PSME2: variants seen among roughly 807,000 people sequenced by gnomAD.
PSME2 encodes the protein proteasome activator complex subunit 2.
In PSME2, 20 loss-of-function variants were observed where a neutral mutation model predicts 38.8. The observed-to-expected ratio is 0.52, with a 90% confidence interval of 0.36 to 0.75. PSME2 has a LOEUF of 0.75. PSME2 is among the 30% of genes least tolerant of loss of function. The probability of loss-of-function intolerance (pLI) is 0.00; values close to 1 mark genes in which losing one functional copy is unlikely to be tolerated. For missense variants in PSME2, 227 were observed against 287.6 expected (o/e 0.79, Z 1.52); for synonymous variants, 82 against 102.5 (o/e 0.80, Z 1.21).
chr14:24,144,294 T>C, intron 7 of PSME2, 35 bp from the exon 8 acceptor site: 1 of 1,613,358 alleles, frequency 6.2e-7, no homozygotes. Context: ...CAACACTTCA[T>C]GTCCTCCCCA....
chr14:24,145,811 T>G (rs1301387153), intron 2 of PSME2, 39 bp from the exon 3 acceptor site: 3 of 1,576,502 alleles, frequency 1.9e-6, no homozygotes, highest in Middle Eastern at 1.7e-4. Context: ...TCACAGAATA[T>G]GCTCAATGAG....
rs773342961 is a variant in PSME2, at chr14:24,143,400, G to A, written c.*9C>T. On this transcript the variant is annotated 3_prime_UTR_variant, in exon 11 of 11. Transcript: ENST00000216802. This position sits in a 1 kb window ranked among gnomAD's most constrained non-coding sequence, Gnocchi z 4.4. ...ATATAGATCATTTATTTTCCTTCTA[G>A]TCCCGGGTTCAGTACATAGATGGCT... 43 of 1,605,740 alleles carry A rather than the reference G, an allele frequency of 2.7e-5. No homozygotes were observed. The South Asian group carries it at 4.6e-4, about 17-fold the overall frequency.
Position 24,146,516 on chromosome 14 carries a change from C to T in PSME2, c.48+18G>A. The T allele has an allele frequency of 1.9e-6, 3 of 1,613,996 alleles. No individual in the cohort carries two copies. The highest frequency in any genetic ancestry group is 2.5e-6 in the Non-Finnish European group (3 of 1,180,010). Reference sequence around the variant, plus strand: ...AGAGGGTTCTATGACCCCTTCCTGGCCTCCGATTCCCCATTACCTGTTTGC... The same window carrying T: ...AGAGGGTTCTATGACCCCTTCCTGGTCTCCGATTCCCCATTACCTGTTTGC... On this transcript the variant is annotated intron_variant, in intron 1 of 10. Transcript: ENST00000216802.
In PSME2 at chr14:24,143,790, G is replaced by C; in HGVS notation, c.553-119C>G. 1.5e-6 allele frequency: 2 copies of C among 1,292,890 alleles called. No individual in the cohort carries two copies. Among genetic ancestry groups the C allele is most frequent in the Admixed American group, 1.8e-5 (1 of 54,750 alleles). The allele number at this position is 1,292,890 out of a possible 1,614,324, so 80.1% of individuals were successfully genotyped here. A position where few individuals can be genotyped will look rare whatever the true frequency, so the allele number is the denominator to read the frequency against. On this transcript the variant is annotated intron_variant, in intron 9 of 10. Transcript: ENST00000216802. This position sits in a 1 kb window ranked among gnomAD's most constrained non-coding sequence, Gnocchi z 4.4. The stretch of plus-strand genomic sequence containing the variant: ...AACCCCTTCTTAGCACCAAGAAATA[G>C]GATCCCAAAGGACTGAGCAGAGAAA...
Position 24,143,396 on chromosome 14 carries a change from T to C in PSME2, c.*13A>G. ...CAACATATAGATCATTTATTTTCCT[T>C]CTAGTCCCGGGTTCAGTACATAGAT... On this transcript the variant is annotated 3_prime_UTR_variant, in exon 11 of 11. Transcript: ENST00000216802. This position sits in a 1 kb window ranked among gnomAD's most constrained non-coding sequence, Gnocchi z 4.4. The C allele has an allele frequency of 6.2e-7, 1 of 1,603,336 alleles. No individual in the cohort carries two copies. The highest frequency in any genetic ancestry group is 8.5e-7 in the Non-Finnish European group (1 of 1,170,244).
At chr14:24,146,128 G>A in intron 2 of PSME2, 80 bp downstream of exon 2, 1 of 1,527,542 alleles carries the variant, frequency 6.5e-7, no homozygotes, top group Non-Finnish European at 9.1e-7. Context: ...GGGTGACTTG[G>A]GGGGGTCATT....
At position 24,143,546 on chromosome 14, in the gene PSME2, C is replaced by T. The variant is rs770947488; in HGVS notation, c.639+39G>A. On this transcript the variant is annotated intron_variant, in intron 10 of 10. Transcript: ENST00000216802. This position sits in a 1 kb window ranked among gnomAD's most constrained non-coding sequence, Gnocchi z 4.4. ...TCTTAGCCAATCCCCTGCCTGCCCCCACTCATCCACCTCCCCTAAAGCCTT... is the reference window on the plus strand; with the variant it reads ...TCTTAGCCAATCCCCTGCCTGCCCCTACTCATCCACCTCCCCTAAAGCCTT... 1.9e-6 allele frequency: 3 copies of T among 1,613,044 alleles called. No homozygotes were observed. The highest frequency in any genetic ancestry group is 8.5e-7 in the Non-Finnish European group (1 of 1,179,064).
In PSME2 at chr14:24,143,812, G is replaced by A; in HGVS notation, c.553-141C>T. The A allele has an allele frequency of 7.8e-7, 1 of 1,274,530 alleles. No homozygotes were observed. The highest frequency in any genetic ancestry group is 1.1e-6 in the Non-Finnish European group (1 of 891,512). 79.0% of individuals were successfully genotyped at this position (1,274,530 alleles called of 1,614,324 possible). ...ATAGGATCCCAAAGGACTGAGCAGAGAAAAGGGTCAAGGTTGTTGAAGCCC... is the reference window on the plus strand; with the variant it reads ...ATAGGATCCCAAAGGACTGAGCAGAAAAAAGGGTCAAGGTTGTTGAAGCCC... On this transcript the variant is annotated intron_variant, in intron 9 of 10. Coordinates refer to ENST00000216802, the MANE Select transcript of PSME2 (RefSeq NM_002818.3). The surrounding 1 kb of genome is among the most constrained non-coding windows in gnomAD (Gnocchi z 4.4).
rs2038135870 is a variant in PSME2 at position 24,145,432 on chromosome 14, G to A, written c.178C>T (p.Leu60Phe). The A allele has an allele frequency of 6.4e-7, 1 of 1,558,746 alleles. No individual in the cohort carries two copies. The highest frequency in any genetic ancestry group is 8.7e-7 in the Non-Finnish European group (1 of 1,154,198). ...DSLNVADLTS[L>F]RAPLDIPIPD... ...ATGGGGATGTCCAGTGGGGCCCGGA[G>A]GGAAGTCAAGTCAGCCACATTGAGG... Residue 60 changes from leucine (L) to phenylalanine (F), a missense_variant, in exon 4 of 11, where the codon CTC becomes TTC. Around this residue, in one of 3 missense-constraint regions of PSME2, gnomAD observed 80 missense variants for 77.3 expected, o/e 1.04. Transcript: ENST00000216802.
intron 2 of PSME2, 198 bp from the exon 3 acceptor site, chr14:24,145,970 A>G: frequency 1.2e-6 from 1 of 817,648 alleles, no homozygotes; most frequent in East Asian, 2.6e-5. Flanking sequence ...CCTGCTTTGG[A>G]AGCCATGGTT....
In PSME2 at chr14:24,145,755, G is replaced by A; in HGVS notation, c.99C>T (p.Tyr33=). ...NLFQEAEEFL[Y]RFLPQKIIYL... ...ATATGATTTTCTGTGGCAAGAATCT[G>A]TAGAGGAATTCCTCAGCCTGTGGGT... Residue 33 remains tyrosine (Y), a synonymous_variant, in exon 3 of 11, where the codon TAC becomes TAT. Transcript: ENST00000216802. 6.2e-7 allele frequency: 1 copy of A among 1,613,856 alleles called. No individual in the cohort carries two copies. Among genetic ancestry groups the A allele is most frequent in the Non-Finnish European group, 8.5e-7 (1 of 1,179,746 alleles).
rs938411202 is a variant in PSME2, at chr14:24,143,423, G to A, written c.706C>T (p.Pro236Ser). The change falls in exon 11 of 11, where the codon CCA (proline) becomes TCA (serine). Residue 236 changes from proline (P) to serine (S), a missense_variant. Around this residue, in one of 3 missense-constraint regions of PSME2, gnomAD observed 99 missense variants for 113.9 expected, o/e 0.87. Transcript: ENST00000216802. This position sits in a 1 kb window ranked among gnomAD's most constrained non-coding sequence, Gnocchi z 4.4. ...KIVNPKGEEK[P>S]SMY is the part of the protein sequence containing the mutation. ...TAGTCCCGGGTTCAGTACATAGATG[G>A]CTTTTCTTCACCCTTTGGGTTGACA... 7.4e-6 allele frequency: 12 copies of A among 1,613,392 alleles called. No individual in the cohort carries two copies. The highest frequency in any genetic ancestry group is 1.3e-5 in the African/African-American group (1 of 74,886).
chr14:24,146,329 C>G, intron 1 of PSME2, 89 bp from the exon 2 acceptor site: 1 of 1,535,540 alleles, frequency 6.5e-7, no homozygotes, highest in South Asian at 1.1e-5. Context: ...AACTGTGGCT[C>G]AGGCCTTTCT....
chr14:24,143,958 G>A lies in PSME2; in HGVS notation c.552+17C>T, dbSNP rs199957957. On this transcript the variant is annotated intron_variant, in intron 9 of 10. Transcript: ENST00000216802. The surrounding 1 kb of genome is among the most constrained non-coding windows in gnomAD (Gnocchi z 4.4). The stretch of plus-strand genomic sequence containing the variant: ...CGTCCCACACCCAGCTAAAAGGCTG[G>A]TGGACTATCCACTCACTACATGAGT... 8.7e-6 allele frequency: 14 copies of A among 1,613,200 alleles called. No individual in the cohort carries two copies. The highest frequency in any genetic ancestry group is 1.6e-4 in the Middle Eastern group (1 of 6,062).
chr14:24,143,420 A>T lies in PSME2; in HGVS notation c.709T>A (p.Ser237Thr). The change falls in exon 11 of 11, where the codon TCT becomes ACT. Residue 237 changes from serine (S) to threonine (T), a missense_variant. Coordinates refer to ENST00000216802, the MANE Select transcript of PSME2 (RefSeq NM_002818.3). The surrounding 1 kb of genome is among the most constrained non-coding windows in gnomAD (Gnocchi z 4.4). ...IVNPKGEEKPSMY is the reference protein window; with the variant it reads ...IVNPKGEEKPTMY ...TTCTAGTCCCGGGTTCAGTACATAG[A>T]TGGCTTTTCTTCACCCTTTGGGTTG... is the stretch of plus-strand genomic sequence containing the variant. 1.9e-6 allele frequency: 3 copies of T among 1,613,324 alleles called. No individual in the cohort carries two copies. The highest frequency in any genetic ancestry group is 2.2e-5 in the South Asian group (2 of 91,070).
Position 24,143,768 on chromosome 14 carries a change from C to G in PSME2, c.553-97G>C. The G allele has an allele frequency of 1.5e-6, 2 of 1,365,446 alleles. No individual in the cohort carries two copies. The highest frequency in any genetic ancestry group is 2.1e-6 in the Non-Finnish European group (2 of 965,618). The allele number at this position is 1,365,446 out of a possible 1,614,324, so 84.6% of individuals were successfully genotyped here. A position where few individuals can be genotyped will look rare whatever the true frequency, so the allele number is the denominator to read the frequency against. On this transcript the variant is annotated intron_variant, in intron 9 of 10. Coordinates refer to ENST00000216802, the MANE Select transcript of PSME2 (RefSeq NM_002818.3). The surrounding 1 kb of genome is among the most constrained non-coding windows in gnomAD (Gnocchi z 4.4). The stretch of plus-strand genomic sequence containing the variant: ...GAAATAGGTTAACTTGAGAATGAAC[C>G]CCTTCTTAGCACCAAGAAATAGGAT...
intron 5 of PSME2, 32 bp downstream of exon 5, chr14:24,145,211 C>T (rs1307886218): frequency 9.9e-6 from 16 of 1,613,254 alleles, no homozygotes; most frequent in Non-Finnish European, 1.4e-5. Context: ...TGTGCCATCA[C>T]CCCTTCCCTA....
intron 2 of PSME2, 145 bp downstream of exon 2, chr14:24,146,060 CAAT>C (rs2038149593): frequency 3.1e-6 from 3 of 982,988 alleles, no homozygotes; most frequent in South Asian, 2.8e-5. Flanking sequence ...AGGTAGCTAT[CAAT>C]AATTCCGGGG....
Position 24,144,035 on chromosome 14 carries a change from A to C in PSME2, c.498-6T>G, listed in dbSNP as rs370117634. 2.5e-6 allele frequency: 4 copies of C among 1,613,690 alleles called. No homozygotes were observed. Among genetic ancestry groups the C allele is most frequent in the Non-Finnish European group, 3.4e-6 (4 of 1,179,994 alleles). ...CCCCACGTTCTGAGAAGTACCTGCC[A>C]GAAGCAAGGGAATACCACAGGAATG... is the stretch of plus-strand genomic sequence containing the variant. On this transcript the variant is annotated splice_polypyrimidine_tract_variant and splice_region_variant and intron_variant, in intron 8 of 10. Coordinates refer to ENST00000216802, the MANE Select transcript of PSME2 (RefSeq NM_002818.3).
Sources: gnomAD v4.1 joint callset for allele counts on GRCh38, gnomAD v4.1.1 for gene constraint, gnomAD v4.1.1 regional missense constraint, Gnocchi (gnomAD v3.1) non-coding constraint, MANE v1.5 for transcripts, NCBI Gene and HGNC (gene_info 2026-07-23, HGNC 2026-07-21) for gene names.